Variants in SLC33A1 observed in about 807,000 individuals in gnomAD.
SLC33A1 encodes the protein solute carrier family 33 member 1.
SLC33A1 carries 20 observed loss-of-function variants against 50.0 expected under a neutral mutation model. The observed-to-expected ratio is 0.40, with a 90% confidence interval of 0.28 to 0.58. SLC33A1 has a LOEUF of 0.58. Ranked by LOEUF, SLC33A1 falls within the 20% of genes least tolerant of loss-of-function variation. The pLI is 0.44. For missense variants in SLC33A1, 476 were observed against 657.0 expected (o/e 0.72, Z 3.01); for synonymous variants, 265 against 251.8 (o/e 1.05, Z -0.50).
rs78188825 is a variant in SLC33A1, at chr3:155,834,095, C to T, written c.964-54G>A. 1,991 of 1,452,498 alleles carry T rather than the reference C, an allele frequency of 1.4e-3. 36 individuals carry two copies. The African/African-American group carries it at 0.024, about 18-fold the overall frequency. 90.0% of individuals were successfully genotyped at this position (1,452,498 alleles called of 1,614,324 possible). A position where few individuals can be genotyped will look rare whatever the true frequency, so the allele number is the denominator to read the frequency against. On this transcript the variant is annotated intron_variant, in intron 2 of 5. Coordinates refer to ENST00000643144, the MANE Select transcript of SLC33A1 (RefSeq NM_004733.4). ...AATTCGTGACTTATGAAATATTTTC[C>T]TCCATGCATATGTAAGTTCTTCAAG...
intron 4 of SLC33A1, 35 bp downstream of exon 4, chr3:155,833,433 C>G (rs1560013491): frequency 2.1e-6 from 2 of 957,932 alleles, no homozygotes; most frequent in African/African-American, 3.2e-5. Context: ...TTACACAGAA[C>G]AGTTTATTTC....
chr3:155,836,655 G>C (rs1301335558), intron 2 of SLC33A1, among the ~76,000 whole-genome samples: 1 of 152,200 alleles, frequency 6.6e-6, no homozygotes, highest in African/African-American at 2.4e-5. Flanking sequence ...ACAGCACTTT[G>C]GGAGGATGAG....
At chr3:155,831,544 C>T (rs1221977035) in intron 4 of SLC33A1, among the ~76,000 whole-genome samples, 1 of 143,890 alleles carries the variant, frequency 6.9e-6, no homozygotes, top group Non-Finnish European at 1.5e-5. Context: ...TGTCATACAT[C>T]ATTTCTCGAA....
chr3:155,839,057 G>A (rs1752818727), intron 2 of SLC33A1, among the ~76,000 whole-genome samples: 1 of 151,946 alleles, frequency 6.6e-6, no homozygotes, highest in Non-Finnish European at 1.5e-5. Context: ...GGGAGGCCGA[G>A]ACGGGCAGAT....
intron 2 of SLC33A1, among the ~76,000 whole-genome samples, chr3:155,841,488 T>C (rs1390174668): frequency 6.6e-6 from 1 of 152,134 alleles, no homozygotes; most frequent in Non-Finnish European, 1.5e-5. Flanking sequence ...ATGAAAATCC[T>C]ATAAGATTGC....
chr3:155,849,610 C>A (rs1753316381), intron 1 of SLC33A1, among the ~76,000 whole-genome samples: 1 of 150,338 alleles, frequency 6.7e-6, no homozygotes, highest in African/African-American at 2.5e-5. Context: ...AGGGGCAATT[C>A]AAAATAACAA....
intron 2 of SLC33A1, among the ~76,000 whole-genome samples, chr3:155,838,451 C>A (rs762521138): frequency 6.6e-6 from 1 of 151,044 alleles, no homozygotes; most frequent in Admixed American, 6.6e-5. Flanking sequence ...GAGGCAAAGG[C>A]GGGCAGATTG....
At chr3:155,835,872 T>A (rs559099648) in intron 2 of SLC33A1, among the ~76,000 whole-genome samples, 1 of 152,192 alleles carries the variant, frequency 6.6e-6, no homozygotes, top group Non-Finnish European at 1.5e-5. Flanking sequence ...AAACTTCTGC[T>A]GTTAACCTCA....
In SLC33A1 at chr3:155,823,698, T is replaced by G. The variant is rs1437340835; in HGVS notation, c.*4512A>C. On this transcript the variant is annotated 3_prime_UTR_variant, in exon 6 of 6. Coordinates refer to ENST00000643144, the MANE Select transcript of SLC33A1 (RefSeq NM_004733.4). ...TAAAAAGAACATGGTCTGCAGTAGG[T>G]GTTTTTGTTTTGTTTTTGTTTGTTT... 1 of 151,592 alleles carries G rather than the reference T, an allele frequency of 6.6e-6. No individual in the cohort carries two copies. The highest frequency in any genetic ancestry group is 1.5e-5 in the Non-Finnish European group (1 of 67,956). 9.4% of individuals were successfully genotyped at this position (151,592 alleles called of 1,614,324 possible). A position where few individuals can be genotyped will look rare whatever the true frequency, so the allele number is the denominator to read the frequency against.
At chr3:155,837,635 G>A (rs879877082) in intron 2 of SLC33A1, among the ~76,000 whole-genome samples, 1 of 152,102 alleles carries the variant, frequency 6.6e-6, no homozygotes, top group African/African-American at 2.4e-5. Context: ...TTGATAGAAT[G>A]GATAAATTGT....
chr3:155,839,300 CAAAAAAAAAAAAAAAAAA>C (rs550171374), intron 2 of SLC33A1, among the ~76,000 whole-genome samples: 3 of 25,702 alleles, frequency 1.2e-4, no homozygotes, highest in Non-Finnish European at 1.6e-4. Flanking sequence ...AACTCCGCCT[CAAAAAAAAAAAAAAAAAA>C]AAAAAAAAAT....
At chr3:155,829,979 G>C (rs1438645075) in intron 4 of SLC33A1, 76 bp from the exon 5 acceptor site, 1 of 921,550 alleles carries the variant, frequency 1.1e-6, no homozygotes, top group African/African-American at 1.7e-5. Context: ...GAACATCAAA[G>C]TCATAAACCT....
intron 1 of SLC33A1, chr3:155,853,001 G>A (rs1753460741): frequency 1.7e-6 from 1 of 579,468 alleles, no homozygotes. Flanking sequence ...TATTTGATGG[G>A]TTGCCTCTCC....
At chr3:155,833,641 A>C in intron 3 of SLC33A1, 56 bp from the exon 4 acceptor site, 1 of 1,112,126 alleles carries the variant, frequency 9.0e-7, no homozygotes, top group Non-Finnish European at 1.4e-6. Context: ...AACAACAACA[A>C]CAAAAACAGA....
At position 155,823,527 on chromosome 3, in the gene SLC33A1, G is replaced by A. The variant is rs1752135322; in HGVS notation, c.*4683C>T. The A allele has an allele frequency of 6.6e-6, 1 of 152,012 alleles. No homozygotes were observed. Among genetic ancestry groups the A allele is most frequent in the African/African-American group, 2.4e-5 (1 of 41,398 alleles). The allele number at this position is 152,012 out of a possible 1,614,324, so 9.4% of individuals were successfully genotyped here. ...TCGACCAAAAATACAAAAATAAGCTGGGCGTAGTAGTGCACATCTGTAGTC... is the reference window on the plus strand; with the variant it reads ...TCGACCAAAAATACAAAAATAAGCTAGGCGTAGTAGTGCACATCTGTAGTC... On this transcript the variant is annotated 3_prime_UTR_variant, in exon 6 of 6. Coordinates refer to ENST00000643144, the MANE Select transcript of SLC33A1 (RefSeq NM_004733.4).
chr3:155,833,767 T>C, intron 3 of SLC33A1, 90 bp downstream of exon 3: 4 of 1,094,782 alleles, frequency 3.7e-6, no homozygotes, highest in Non-Finnish European at 5.6e-6. Flanking sequence ...TTTTTCCATA[T>C]ATATAATTCT....
chr3:155,851,316 T>A (rs1301224466), intron 1 of SLC33A1, among the ~76,000 whole-genome samples: 2 of 151,968 alleles, frequency 1.3e-5, no homozygotes, highest in Non-Finnish European at 2.9e-5. Context: ...GGATCATAGC[T>A]CACTGAAGCC....
At chr3:155,835,053 AATATT>A (rs1752592909) in intron 2 of SLC33A1, among the ~76,000 whole-genome samples, 1 of 152,214 alleles carries the variant, frequency 6.6e-6, no homozygotes, top group African/African-American at 2.4e-5. Flanking sequence ...ATTAGACAAT[AATATT>A]ATATCAATTT....
At chr3:155,838,543 T>C (rs1752794444) in intron 2 of SLC33A1, among the ~76,000 whole-genome samples, 1 of 151,398 alleles carries the variant, frequency 6.6e-6, no homozygotes, top group Non-Finnish European at 1.5e-5. Flanking sequence ...TAGCCGGGTG[T>C]GGTGGTGCAC....
Sources: gnomAD v4.1 joint callset for allele counts (sites outside exome capture counted in the v4.1 genomes callset) on GRCh38, gnomAD v4.1.1 for gene constraint, MANE v1.5 for transcripts, NCBI Gene and HGNC (gene_info 2026-07-23, HGNC 2026-07-21) for gene names.